NINL: variants seen among roughly 807,000 people sequenced by gnomAD.
NINL encodes the protein ninein-like protein.
NINL carries 153 observed loss-of-function variants against 160.3 expected under a neutral mutation model. The ratio of observed to expected loss-of-function variants is 0.95; its 90% confidence interval spans 0.84 to 1.09. NINL has a LOEUF of 1.09. NINL is among the 50% of genes least tolerant of loss of function. The probability of loss-of-function intolerance (pLI) is 0.00; values close to 1 mark genes in which losing one functional copy is unlikely to be tolerated. For missense variants in NINL, 1,829 were observed against 1,764.0 expected (o/e 1.04, Z -0.66); for synonymous variants, 800 against 734.8 (o/e 1.09, Z -1.43).
chr20:25,495,703 C>A (rs1302020658), intron 10 of NINL, among the ~76,000 whole-genome samples: 1 of 152,200 alleles, frequency 6.6e-6, no homozygotes, highest in African/African-American at 2.4e-5. Context: ...AGGTGAAAAA[C>A]AGCAGCTCAG....
At chr20:25,470,157 T>C (rs2063060593) in intron 17 of NINL, 62 bp from the exon 18 acceptor site, 1 of 1,367,244 alleles carries the variant, frequency 7.3e-7, no homozygotes, top group Non-Finnish European at 1.0e-6. Flanking sequence ...TCACGGAGGC[T>C]GGCTCTGCAG....
At chr20:25,534,372 A>T (rs2064521498) in intron 1 of NINL, among the ~76,000 whole-genome samples, 1 of 152,180 alleles carries the variant, frequency 6.6e-6, no homozygotes. Flanking sequence ...TTGTGACAAT[A>T]ACCAAAAGAA....
intron 1 of NINL, among the ~76,000 whole-genome samples, chr20:25,551,985 CG>C (rs2064811910): frequency 6.6e-6 from 1 of 152,156 alleles, no homozygotes; most frequent in Non-Finnish European, 1.5e-5. Context: ...GGGAGGCCAT[CG>C]GGAGGTATAC....
chr20:25,517,987 T>C (rs548858517), intron 2 of NINL, 138 bp from the exon 3 acceptor site: 1 of 526,324 alleles, frequency 1.9e-6, no homozygotes, highest in African/African-American at 2.0e-5. Context: ...CGTTTTCAAA[T>C]ATTTACTTAA....
At chr20:25,532,815 C>T (rs1024164417) in intron 1 of NINL, among the ~76,000 whole-genome samples, 3 of 152,170 alleles carry the variant, frequency 2.0e-5, no homozygotes, top group Non-Finnish European at 2.9e-5. Context: ...ATAAAGGAAA[C>T]GAGGAGGTAC....
At chr20:25,570,159 G>A (rs1429991427) in intron 1 of NINL, among the ~76,000 whole-genome samples, 3 of 152,148 alleles carry the variant, frequency 2.0e-5, no homozygotes, top group African/African-American at 7.2e-5. Flanking sequence ...CAGCCTGGGC[G>A]ACAGAGCAAA....
intron 1 of NINL, among the ~76,000 whole-genome samples, chr20:25,545,012 T>C (rs1159960195): frequency 6.6e-6 from 1 of 152,224 alleles, no homozygotes; most frequent in African/African-American, 2.4e-5. Flanking sequence ...GGCAGAAGTC[T>C]CAACCCTCAG....
intron 5 of NINL, among the ~76,000 whole-genome samples, chr20:25,508,746 C>T (rs1011317481): frequency 6.6e-6 from 1 of 152,266 alleles, no homozygotes; most frequent in African/African-American, 2.4e-5. Context: ...ACCTGCATCC[C>T]TGCACCCTGA....
rs1004246657 is a variant in NINL, at chr20:25,540,552, G to A, written c.-11-13954C>T. Among the ~76,000 whole-genome samples the A allele has an allele frequency of 2.0e-5, 3 of 152,178 alleles. No individual in the cohort carries two copies. The East Asian group carries it at 5.8e-4, about 29-fold the overall frequency. On this transcript the variant is annotated intron_variant, in intron 1 of 23. Coordinates refer to ENST00000278886, the MANE Select transcript of NINL (RefSeq NM_025176.6). ...TTCATGACCACTCGGAGGCAGCCTA[G>A]GTGTGCCAATCACCTAGGGACCCAG...
At chr20:25,540,513 G>T (rs1366333831) in intron 1 of NINL, among the ~76,000 whole-genome samples, 1 of 152,184 alleles carries the variant, frequency 6.6e-6, no homozygotes, top group Non-Finnish European at 1.5e-5. Context: ...CGGGCATTAA[G>T]GGCAGAGAAG....
intron 7 of NINL, 135 bp downstream of exon 7, chr20:25,503,817 C>G (rs73904484): frequency 2.9e-6 from 3 of 1,035,328 alleles, no homozygotes; most frequent in South Asian, 1.4e-5. Flanking sequence ...CATATACATG[C>G]GTGTGTGCAT....
chr20:25,543,553 G>A (rs2064695521), intron 1 of NINL, among the ~76,000 whole-genome samples: 1 of 152,152 alleles, frequency 6.6e-6, no homozygotes, highest in Non-Finnish European at 1.5e-5. Context: ...CGACGCCTAA[G>A]TAACAAAAGG....
Position 25,500,827 on chromosome 20 carries a change from C to A in NINL, c.1032+13G>T. The A allele has an allele frequency of 6.2e-7, 1 of 1,603,122 alleles. No individual in the cohort carries two copies. The highest frequency in any genetic ancestry group is 8.5e-7 in the Non-Finnish European group (1 of 1,177,234). On this transcript the variant is annotated intron_variant, in intron 8 of 23. Transcript: ENST00000278886. ...GGTCCCCTGTCCAGCTTAGGCATCA[C>A]CCAGTTCCAAACCTGCAAGATCTCC... is the stretch of plus-strand genomic sequence containing the variant.
At chr20:25,502,853 T>G (rs552855848) in intron 7 of NINL, among the ~76,000 whole-genome samples, 1 of 152,350 alleles carries the variant, frequency 6.6e-6, no homozygotes, top group East Asian at 1.9e-4. Context: ...GAGCAGACAC[T>G]GGCACCATGC....
At chr20:25,478,474 C>T (rs1385604236) in intron 16 of NINL, among the ~76,000 whole-genome samples, 1 of 152,244 alleles carries the variant, frequency 6.6e-6, no homozygotes, top group Non-Finnish European at 1.5e-5. Flanking sequence ...AACACCAGCA[C>T]AGGCTTTCTG....
intron 1 of NINL, among the ~76,000 whole-genome samples, chr20:25,582,242 A>C (rs113079635): frequency 5.0e-4 from 76 of 152,282 alleles, no homozygotes; most frequent in African/African-American, 1.6e-3. Context: ...CGACAGAGCG[A>C]GACTCCATAT....
chr20:25,536,239 A>T (rs1403005552), intron 1 of NINL, among the ~76,000 whole-genome samples: 1 of 152,230 alleles, frequency 6.6e-6, no homozygotes, highest in Non-Finnish European at 1.5e-5. Context: ...CAGGCTCACG[A>T]TCTGGGCTCC....
rs149907040 is a variant in NINL at position 25,476,509 on chromosome 20, C to T, written c.2782G>A (p.Ala928Thr). 188 of 1,602,726 alleles carry T rather than the reference C, an allele frequency of 1.2e-4. No homozygotes were observed. In the East Asian group the frequency reaches 4.0e-3, roughly 34 times the overall value. ...GGCTGCTCCAGCCCCGCTGCGCTCG[C>T]GCCGAAAGGCTCTGGCTCCTTTGGG... ...IVPKEPEPFG[A>T]SAAGLEQPGA... Residue 928 changes from alanine (A) to threonine (T), a missense_variant, in exon 17 of 24, where the codon GCG (alanine) becomes ACG (threonine). Ala to Thr is a moderately conservative substitution (Grantham distance 58). Coordinates refer to ENST00000278886, the MANE Select transcript of NINL (RefSeq NM_025176.6).
At chr20:25,546,838 G>A (rs1037104098) in intron 1 of NINL, among the ~76,000 whole-genome samples, 4 of 133,760 alleles carry the variant, frequency 3.0e-5, no homozygotes, top group Admixed American at 8.2e-5. Flanking sequence ...ACAAGGCACC[G>A]TGGCCAGACA....
Sources: allele counts gnomAD v4.1 joint callset (sites outside exome capture counted in the v4.1 genomes callset), GRCh38; gene constraint gnomAD v4.1.1; transcripts MANE v1.5; gene names NCBI Gene and HGNC (gene_info 2026-07-23, HGNC 2026-07-21).